Variants in GPR107 observed in about 807,000 individuals in gnomAD.
GPR107 encodes the protein protein GPR107.
Under a neutral mutation model 75.5 loss-of-function variants are expected in GPR107, and 31 were observed. That is an observed-to-expected ratio of 0.41 (90% confidence interval 0.31 to 0.55). The LOEUF is 0.55. GPR107 is among the 20% of genes least tolerant of loss of function. The pLI is 0.26. For missense variants in GPR107, 572 were observed against 665.7 expected (o/e 0.86, Z 1.55); for synonymous variants, 267 against 251.3 (o/e 1.06, Z -0.59).
At chr9:130,088,591 T>C (rs564542941) in intron 7 of GPR107, among the ~76,000 whole-genome samples, 42 of 152,356 alleles carry the variant, frequency 2.8e-4, no homozygotes, top group African/African-American at 8.9e-4. Flanking sequence ...AATGAACCAA[T>C]ACCAGGCATT....
chr9:130,133,918 T>C (rs560922164), intron 17 of GPR107, among the ~76,000 whole-genome samples: 1 of 152,116 alleles, frequency 6.6e-6, no homozygotes, highest in South Asian at 2.1e-4. Context: ...CATACAAACA[T>C]TTACTTACCA....
At chr9:130,083,899 G>A (rs1009561573) in intron 6 of GPR107, among the ~76,000 whole-genome samples, 3 of 151,746 alleles carry the variant, frequency 2.0e-5, no homozygotes, top group East Asian at 1.9e-4. Context: ...CTAATACAAC[G>A]TAAATGCTTT....
chr9:130,059,317 G>A (rs1829872058), intron 1 of GPR107, among the ~76,000 whole-genome samples: 2 of 152,090 alleles, frequency 1.3e-5, no homozygotes, highest in African/African-American at 4.8e-5. Context: ...GTAAAACCCT[G>A]TCTCTACTAA....
chr9:130,078,957 A>C (rs561725604), intron 4 of GPR107, among the ~76,000 whole-genome samples: 1 of 152,200 alleles, frequency 6.6e-6, no homozygotes, highest in Non-Finnish European at 1.5e-5. Context: ...CCTGGATTTC[A>C]CTTGCTTTCT....
At chr9:130,128,228 G>T (rs1831732373) in intron 16 of GPR107, among the ~76,000 whole-genome samples, 1 of 152,208 alleles carries the variant, frequency 6.6e-6, no homozygotes, top group Non-Finnish European at 1.5e-5. Flanking sequence ...AATTCAGGCT[G>T]CCCTTCTTCT....
intron 5 of GPR107, among the ~76,000 whole-genome samples, 195 bp downstream of exon 5, chr9:130,079,964 T>C (rs1830453516): frequency 6.6e-6 from 1 of 152,268 alleles, no homozygotes; most frequent in South Asian, 2.1e-4. Context: ...CAGTCATTTC[T>C]CCTTATTCCC....
chr9:130,096,531 CA>C (rs1449634150), intron 9 of GPR107, among the ~76,000 whole-genome samples: 1 of 140,570 alleles, frequency 7.1e-6, no homozygotes, highest in Non-Finnish European at 1.5e-5. Context: ...TGCAGTGGTG[CA>C]ATCTCAGCTC....
chr9:130,126,650 C>T (rs1009035586), intron 15 of GPR107, among the ~76,000 whole-genome samples: 5 of 152,124 alleles, frequency 3.3e-5, no homozygotes, highest in African/African-American at 1.2e-4. Context: ...GCGCCCGGCC[C>T]TGTTTCCAAG....
intron 11 of GPR107, 98 bp downstream of exon 11, chr9:130,100,800 T>G: frequency 1.2e-6 from 1 of 837,580 alleles, no homozygotes; most frequent in East Asian, 2.5e-5. Flanking sequence ...CCTGCCCTCC[T>G]GTGGCAGCCT....
chr9:130,077,481 G>A (rs995294240), intron 4 of GPR107, 103 bp downstream of exon 4: 11 of 702,746 alleles, frequency 1.6e-5, no homozygotes, highest in African/African-American at 1.0e-4. Flanking sequence ...GCCAGAGACC[G>A]TGCTGAGTGC....
chr9:130,134,990 A>C (rs782636918), intron 17 of GPR107, 35 bp from the exon 18 acceptor site: 2 of 1,186,146 alleles, frequency 1.7e-6, no homozygotes. Flanking sequence ...AGAGACTGTG[A>C]GATGTTCCTA....
chr9:130,065,501 C>A (rs556815869), intron 1 of GPR107, among the ~76,000 whole-genome samples: 2 of 151,868 alleles, frequency 1.3e-5, no homozygotes, highest in African/African-American at 4.8e-5. Context: ...TGCGGTGGCT[C>A]ATGCCTGTAA....
At chr9:130,095,806 T>C (rs1564672511) in intron 9 of GPR107, among the ~76,000 whole-genome samples, 1 of 152,202 alleles carries the variant, frequency 6.6e-6, no homozygotes, top group African/African-American at 2.4e-5. Context: ...AGTTAAGTCC[T>C]GCCCATGTTT....
At position 130,075,712 on chromosome 9, in the gene GPR107, G is replaced by A; in HGVS notation, c.218G>A (p.Ser73Asn). ...KDGYMVVNVS[S>N]LSLNEPEDKD... is the part of the protein sequence containing the mutation. The stretch of plus-strand genomic sequence containing the variant: ...GGGTACATGGTGGTGAATGTCAGTA[G>A]CCTCTCACTGAATGAGCCTGAAGAC... Residue 73 changes from serine (S) to asparagine (N), a missense_variant, in exon 2 of 18, where the codon AGC becomes AAC. Transcript: ENST00000347136. 2.5e-6 allele frequency: 4 copies of A among 1,600,992 alleles called. No homozygotes were observed. Among genetic ancestry groups the A allele is most frequent in the Non-Finnish European group, 3.4e-6 (4 of 1,168,244 alleles).
At chr9:130,067,583 G>C (rs1316178696) in intron 1 of GPR107, among the ~76,000 whole-genome samples, 1 of 152,028 alleles carries the variant, frequency 6.6e-6, no homozygotes, top group Non-Finnish European at 1.5e-5. Flanking sequence ...CTCACTTCAT[G>C]TGCTTAGCTG....
intron 1 of GPR107, among the ~76,000 whole-genome samples, chr9:130,075,342 T>C (rs1830317309): frequency 6.8e-6 from 1 of 146,716 alleles, no homozygotes; most frequent in South Asian, 2.2e-4. Context: ...CCTCCCAGGT[T>C]CAAGCAATTC....
chr9:130,073,425 G>A (rs1830260234), intron 1 of GPR107, among the ~76,000 whole-genome samples: 2 of 152,144 alleles, frequency 1.3e-5, no homozygotes, highest in Admixed American at 1.3e-4. Context: ...AGAAAGGCTG[G>A]GAGCCTTAGC....
Position 130,139,963 on chromosome 9 carries a change from C to T in GPR107, c.*4842C>T, listed in dbSNP as rs2131087172. The T allele has an allele frequency of 6.6e-6, 1 of 152,256 alleles. No homozygotes were observed. Among genetic ancestry groups the T allele is most frequent in the South Asian group, 2.1e-4 (1 of 4,814 alleles). 9.4% of individuals were successfully genotyped at this position (152,256 alleles called of 1,614,324 possible). A position where few individuals can be genotyped will look rare whatever the true frequency, so the allele number is the denominator to read the frequency against. ...TTCGTTTGAGGGAGGGCTTGCAGGT[C>T]TGTAAATAGCATTTGCTTTCCTGGT... On this transcript the variant is annotated 3_prime_UTR_variant, in exon 18 of 18. Transcript: ENST00000347136.
At chr9:130,130,392 T>C (rs1391016675) in intron 17 of GPR107, among the ~76,000 whole-genome samples, 1 of 152,214 alleles carries the variant, frequency 6.6e-6, no homozygotes, top group Non-Finnish European at 1.5e-5. Flanking sequence ...CAGGAGGTTT[T>C]CTCCCTGGGG....
Sources: allele counts gnomAD v4.1 joint callset (sites outside exome capture counted in the v4.1 genomes callset), GRCh38; gene constraint gnomAD v4.1.1; transcripts MANE v1.5; gene names NCBI Gene and HGNC (gene_info 2026-07-23, HGNC 2026-07-21).